Variants in GALNTL6 observed in about 807,000 individuals in gnomAD.
GALNTL6 encodes polypeptide N-acetylgalactosaminyltransferase like 6.
Under a neutral mutation model 73.7 loss-of-function variants are expected in GALNTL6, and 46 were observed. The observed-to-expected ratio is 0.62, with a 90% CI of 0.49 to 0.80. GALNTL6 has a LOEUF of 0.80. Ranked by LOEUF, GALNTL6 falls within the 30% of genes least tolerant of loss-of-function variation. The probability of loss-of-function intolerance (pLI) is 0.00; values close to 1 mark genes in which losing one functional copy is unlikely to be tolerated. For synonymous variants in GALNTL6, 259 were observed against 263.7 expected, an observed-to-expected ratio of 0.98 and a Z score of 0.17; for missense variants, 604 against 755.0, an observed-to-expected ratio of 0.80 and a Z score of 2.34.
At chr4:172,829,196 G>T (rs546655525) in intron 7 of GALNTL6, among the ~76,000 whole-genome samples, 2 of 152,194 alleles carry the variant, frequency 1.3e-5, no homozygotes, top group Non-Finnish European at 2.9e-5. Context: ...TCTTCGGAGC[G>T]CAAAACACAG....
chr4:171,990,005 G>A (rs1740286954), intron 2 of GALNTL6, among the ~76,000 whole-genome samples: 2 of 152,246 alleles, frequency 1.3e-5, no homozygotes, highest in South Asian at 2.1e-4. Flanking sequence ...GTCACGGAAG[G>A]AAACAGTAAG....
chr4:172,447,846 A>G (rs564313418), intron 5 of GALNTL6, among the ~76,000 whole-genome samples: 88 of 152,256 alleles, frequency 5.8e-4, no homozygotes, highest in African/African-American at 1.7e-3. Flanking sequence ...AGAGCTTTAG[A>G]AGGGAATGCA....
intron 5 of GALNTL6, among the ~76,000 whole-genome samples, chr4:172,417,273 A>G (rs576043698): frequency 5.9e-5 from 9 of 152,034 alleles, no homozygotes; most frequent in Admixed American, 2.0e-4. Context: ...GACCCACTTC[A>G]CTATCCAATG....
chr4:171,959,288 T>TTTACA (rs1328935530), intron 2 of GALNTL6, among the ~76,000 whole-genome samples: 6 of 152,168 alleles, frequency 3.9e-5, no homozygotes, highest in African/African-American at 1.4e-4. Context: ...AACATTTTTG[T>TTTACA]GAATTAATCA....
intron 5 of GALNTL6, among the ~76,000 whole-genome samples, chr4:172,373,532 C>T (rs1212894253): frequency 6.6e-6 from 1 of 152,074 alleles, no homozygotes; most frequent in African/African-American, 2.4e-5. Flanking sequence ...GAGCTTCAGG[C>T]CTTAAGGGAT....
intron 2 of GALNTL6, among the ~76,000 whole-genome samples, chr4:171,906,354 T>C (rs1327447367): frequency 7.4e-6 from 1 of 134,824 alleles, no homozygotes; most frequent in Non-Finnish European, 1.6e-5. Flanking sequence ...CATCAGAGAA[T>C]ACTACAAACA....
At chr4:172,974,074 A>T (rs1383952713) in intron 10 of GALNTL6, among the ~76,000 whole-genome samples, 1 of 152,224 alleles carries the variant, frequency 6.6e-6, no homozygotes, top group Admixed American at 6.5e-5. Context: ...CTTTTTGGTG[A>T]TATTGTAGGT....
chr4:171,897,386 CAG>C (rs371045273), intron 2 of GALNTL6, among the ~76,000 whole-genome samples: 1 of 152,222 alleles, frequency 6.6e-6, no homozygotes, highest in African/African-American at 2.4e-5. Context: ...AATGAGAAGA[CAG>C]TGGAAAATAT....
intron 5 of GALNTL6, among the ~76,000 whole-genome samples, chr4:172,350,525 C>T (rs189220043): frequency 2.6e-5 from 4 of 152,168 alleles, no homozygotes; most frequent in Non-Finnish European, 5.9e-5. Flanking sequence ...AATTTAGGAA[C>T]AGTAATGGTG....
intron 5 of GALNTL6, among the ~76,000 whole-genome samples, chr4:172,499,609 A>G (rs936236473): frequency 9.9e-5 from 15 of 152,238 alleles, no homozygotes; most frequent in African/African-American, 3.6e-4. Flanking sequence ...AACTTGAATG[A>G]GAAAAGAGAA....
chr4:172,284,403 A>ACACACCATGTGCACCCCAC (rs570419193), intron 3 of GALNTL6, among the ~76,000 whole-genome samples: 1 of 149,976 alleles, frequency 6.7e-6, no homozygotes, highest in Non-Finnish European at 1.5e-5. Context: ...CACCCCCCAC[A>ACACACCATGTGCACCCCAC]CACACCATGT....
chr4:173,022,195 GGA>G (rs1309732577), intron 12 of GALNTL6, among the ~76,000 whole-genome samples: 4 of 125,616 alleles, frequency 3.2e-5, no homozygotes, highest in African/African-American at 7.9e-5. Context: ...GAGGGAGGAA[GGA>G]AGGAAGGAAG....
At chr4:172,085,997 T>C (rs1479867600) in intron 2 of GALNTL6, among the ~76,000 whole-genome samples, 1 of 152,142 alleles carries the variant, frequency 6.6e-6, no homozygotes, top group African/African-American at 2.4e-5. Context: ...ACTGTAGCCT[T>C]TGTTCCCAAA....
At position 172,147,962 on chromosome 4, in the gene GALNTL6, T is replaced by C. The variant is rs1733970870; in HGVS notation, c.139-81694T>C. Among the ~76,000 whole-genome samples the C allele has an allele frequency of 2.0e-5, 3 of 152,160 alleles. No individual in the cohort carries two copies. In the South Asian group the frequency reaches 6.2e-4, roughly 32 times the overall value. Reference sequence around the variant, plus strand: ...ACTGGCTGAAGGTCAAATTTTGATCTTTATTACTTATAAGAAACGTATTTA... The same window carrying C: ...ACTGGCTGAAGGTCAAATTTTGATCCTTATTACTTATAAGAAACGTATTTA... On this transcript the variant is annotated intron_variant, in intron 2 of 12. Transcript: ENST00000506823.
intron 11 of GALNTL6, among the ~76,000 whole-genome samples, chr4:173,013,980 T>A (rs1328499237): frequency 6.6e-6 from 1 of 152,116 alleles, no homozygotes; most frequent in Non-Finnish European, 1.5e-5. Flanking sequence ...GATTTTCTTT[T>A]TAATTCAAAA....
Position 172,477,606 on chromosome 4 carries a change from A to G in GALNTL6, c.553+128917A>G, listed in dbSNP as rs1271523797. ...ACTGGCTGGCTGTGCTCACTCTCCC[A>G]CCTTAACCTCACTTTTCTCTGCCTA... On this transcript the variant is annotated intron_variant, in intron 5 of 12. Transcript: ENST00000506823. Among the ~76,000 whole-genome samples, 3 of 152,272 alleles carry G rather than the reference A, an allele frequency of 2.0e-5. No homozygotes were observed. In the South Asian group the frequency reaches 6.2e-4, roughly 32 times the overall value.
chr4:172,797,085 T>C (rs537597438), intron 5 of GALNTL6, among the ~76,000 whole-genome samples: 5 of 152,164 alleles, frequency 3.3e-5, no homozygotes, highest in Non-Finnish European at 7.4e-5. Context: ...TAAATTCTTC[T>C]GAAAAAAACT....
At chr4:172,755,571 T>C (rs1241301327) in intron 5 of GALNTL6, among the ~76,000 whole-genome samples, 1 of 152,184 alleles carries the variant, frequency 6.6e-6, no homozygotes, top group African/African-American at 2.4e-5. Context: ...TATCTTGGAA[T>C]TAACAAATAA....
chr4:173,030,750 G>T (rs183288978), intron 12 of GALNTL6, among the ~76,000 whole-genome samples: 10 of 151,624 alleles, frequency 6.6e-5, no homozygotes, highest in African/African-American at 2.4e-4. Context: ...ATTTTGGGAG[G>T]CCGAGGCATT....
Sources: gnomAD v4.1 joint callset for allele counts (sites outside exome capture counted in the v4.1 genomes callset) on GRCh38, gnomAD v4.1.1 for gene constraint, MANE v1.5 for transcripts, NCBI Gene and HGNC (gene_info 2026-07-23, HGNC 2026-07-21) for gene names.